Variants in ABCA6 observed in about 807,000 individuals in gnomAD.
ABCA6 encodes ATP-binding cassette sub-family A member 6.
In ABCA6, 164 loss-of-function variants were observed where a neutral mutation model predicts 191.2. The ratio of observed to expected loss-of-function variants is 0.86; its 90% CI spans 0.76 to 0.98. The LOEUF (loss-of-function observed/expected upper bound fraction) is 0.98, where lower values mean the gene tolerates loss of function less well. ABCA6 is among the 50% of genes least tolerant of loss of function. ABCA6 has a pLI of 0.00. For missense variants in ABCA6, 1,958 were observed against 1,894.1 expected, an observed-to-expected ratio of 1.03 and a Z score of -0.63; for synonymous variants, 636 against 647.7, an observed-to-expected ratio of 0.98 and a Z score of 0.27.
At chr17:69,084,971 T>C in intron 32 of ABCA6, 57 bp downstream of exon 32, 1 of 1,517,352 alleles carries the variant, frequency 6.6e-7, no homozygotes, top group Non-Finnish European at 8.8e-7. Context: ...GAATTCATCA[T>C]CAGTGCTACA....
intron 19 of ABCA6, 81 bp downstream of exon 19, chr17:69,105,947 G>A (rs377656115): frequency 5.6e-5 from 80 of 1,418,804 alleles, no homozygotes; most frequent in East Asian, 2.4e-4. Flanking sequence ...CAGATATTGC[G>A]TTCTAGTTTT....
At chr17:69,103,735 C>T (rs2073230795) in intron 20 of ABCA6, among the ~76,000 whole-genome samples, 3 of 151,964 alleles carry the variant, frequency 2.0e-5, no homozygotes, top group South Asian at 2.1e-4. Flanking sequence ...AAAGATGACC[C>T]GTCAGGCCCC....
intron 4 of ABCA6, 83 bp from the exon 5 acceptor site, chr17:69,134,825 A>G: frequency 1.0e-6 from 1 of 955,126 alleles, no homozygotes; most frequent in Non-Finnish European, 1.6e-6. Flanking sequence ...AAAGAAAACA[A>G]TCTAGAGGAG....
In ABCA6 at chr17:69,117,901, T is replaced by C. The variant is rs772469798; in HGVS notation, c.1492A>G (p.Lys498Glu). The C allele has an allele frequency of 3.8e-6, 6 of 1,567,600 alleles. No individual in the cohort carries two copies. Among genetic ancestry groups the C allele is most frequent in the Non-Finnish European group, 5.2e-6 (6 of 1,143,992 alleles). Reference sequence around the variant, plus strand: ...ATTTTTCAATGTTTTTCTTTACCTTTCAATGCTTCCACTTTTCCAGATTTT... The same window carrying C: ...ATTTTTCAATGTTTTTCTTTACCTTCCAATGCTTCCACTTTTCCAGATTTT... ...KGKSGKVEAL[K>E]GLLFDIYEGQ... The change falls in exon 11 of 39, where the codon AAA (lysine) becomes GAA (glutamate). Residue 498 changes from lysine (K) to glutamate (E), a missense_variant. Physicochemically the swap from Lys to Glu is moderately conservative, Grantham distance 56. Coordinates refer to ENST00000284425, the MANE Select transcript of ABCA6 (RefSeq NM_080284.3).
At chr17:69,098,774 A>C (rs950416812) in intron 22 of ABCA6, among the ~76,000 whole-genome samples, 4 of 152,180 alleles carry the variant, frequency 2.6e-5, no homozygotes, top group African/African-American at 9.7e-5. Context: ...ATTCATAGAA[A>C]CATAATAGGA....
At chr17:69,117,331 G>A (rs893189545) in intron 11 of ABCA6, among the ~76,000 whole-genome samples, 2 of 151,936 alleles carry the variant, frequency 1.3e-5, no homozygotes, top group African/African-American at 4.8e-5. Flanking sequence ...TTTAATAAAA[G>A]TAAATAGTCC....
chr17:69,082,643 T>C (rs956833910), intron 36 of ABCA6, among the ~76,000 whole-genome samples: 14 of 152,188 alleles, frequency 9.2e-5, no homozygotes, highest in Non-Finnish European at 2.1e-4. Context: ...CCTCTGGAGC[T>C]GGGGATCAGC....
In ABCA6 at chr17:69,113,639, AAT is replaced by A. The variant is rs1321544511; in HGVS notation, c.1879_1880del (p.Ile627TyrfsTer13). ...TTACTTGAGGATCTCCTAAAATGGTAATCCCAAAAGTCAGCTTTCTTTTCTGT... is the reference window on the plus strand; with the variant it reads ...TTACTTGAGGATCTCCTAAAATGGTACCCAAAAGTCAGCTTTCTTTTCTGT... ...EGQKRKLTFG[I>X]TILGDPQILL... On this transcript the variant is annotated frameshift_variant, in exon 14 of 39. Transcript: ENST00000284425. LOFTEE classifies it high-confidence loss of function. The A allele has an allele frequency of 6.2e-7, 1 of 1,613,038 alleles. No individual in the cohort carries two copies. Among genetic ancestry groups the A allele is most frequent in the Admixed American group, 1.7e-5 (1 of 59,888 alleles).
intron 10 of ABCA6, among the ~76,000 whole-genome samples, chr17:69,119,873 A>G (rs1228515191): frequency 6.6e-6 from 1 of 152,122 alleles, no homozygotes; most frequent in Non-Finnish European, 1.5e-5. Context: ...TTTCAATGTC[A>G]GAAAAGATAA....
At position 69,099,153 on chromosome 17, in the gene ABCA6, C is replaced by T. The variant is rs140929064; in HGVS notation, c.3013-1126G>A. On this transcript the variant is annotated intron_variant, in intron 22 of 38. Transcript: ENST00000284425. The stretch of plus-strand genomic sequence containing the variant: ...CAGGGAAAGGAACTTTAAATCACTA[C>T]CCCCAAATCAGCATCCACTTGAGGC... Among the ~76,000 whole-genome samples, 1,485 of 152,154 alleles carry T rather than the reference C, an allele frequency of 9.8e-3. 12 individuals carry two copies. The highest frequency in any genetic ancestry group is 0.041 in the Middle Eastern group (12 of 294).
At chr17:69,141,293 G>C (rs2144732963) in intron 1 of ABCA6, among the ~76,000 whole-genome samples, 1 of 152,086 alleles carries the variant, frequency 6.6e-6, no homozygotes, top group Non-Finnish European at 1.5e-5. Context: ...CAAACTACTT[G>C]AAACTTGATT....
chr17:69,106,656 A>G (rs2073313236), intron 18 of ABCA6, among the ~76,000 whole-genome samples: 2 of 151,090 alleles, frequency 1.3e-5, no homozygotes, highest in African/African-American at 4.9e-5. Flanking sequence ...CAAAGGAATT[A>G]TTTAGACAAT....
chr17:69,136,934 T>G (rs1307689700), intron 3 of ABCA6, among the ~76,000 whole-genome samples: 1 of 152,212 alleles, frequency 6.6e-6, no homozygotes, highest in Non-Finnish European at 1.5e-5. Flanking sequence ...TTTATTTATT[T>G]AGATGTTTTT....
intron 2 of ABCA6, among the ~76,000 whole-genome samples, chr17:69,139,859 A>G (rs1390481846): frequency 6.6e-6 from 1 of 150,596 alleles, no homozygotes; most frequent in Non-Finnish European, 1.5e-5. Flanking sequence ...AAAAAACCAA[A>G]CACCGCATGT....
intron 2 of ABCA6, 38 bp from the exon 3 acceptor site, chr17:69,137,538 T>C: frequency 6.4e-7 from 1 of 1,569,888 alleles, no homozygotes; most frequent in Non-Finnish European, 8.7e-7. Flanking sequence ...TGAATTAAGG[T>C]TGCATTCACT....
intron 10 of ABCA6, 42 bp from the exon 11 acceptor site, chr17:69,117,998 T>C: frequency 7.0e-7 from 1 of 1,427,214 alleles, no homozygotes; most frequent in Non-Finnish European, 9.7e-7. Flanking sequence ...AACACAGAAG[T>C]GAAAATAGCA....
chr17:69,125,397 AAG>A (rs1321185075), intron 8 of ABCA6, among the ~76,000 whole-genome samples: 2 of 152,000 alleles, frequency 1.3e-5, no homozygotes, highest in Admixed American at 6.6e-5. Context: ...ATTAGATAAA[AAG>A]AGAACTTACC....
At chr17:69,111,949 T>G in intron 16 of ABCA6, 2 of 423,634 alleles carry the variant, frequency 4.7e-6, no homozygotes, top group Non-Finnish European at 8.4e-6. Context: ...AAGTGGCACA[T>G]GAAGTAGTCT....
intron 31 of ABCA6, 22 bp from the exon 32 acceptor site, chr17:69,085,204 A>T: frequency 6.3e-7 from 1 of 1,590,340 alleles, no homozygotes; most frequent in Non-Finnish European, 8.6e-7. Flanking sequence ...AAAGAGCTTT[A>T]GAAAGGCATG....
Sources: gnomAD v4.1 joint callset for allele counts (sites outside exome capture counted in the v4.1 genomes callset) on GRCh38, gnomAD v4.1.1 for gene constraint, MANE v1.5 for transcripts, NCBI Gene and HGNC (gene_info 2026-07-23, HGNC 2026-07-21) for gene names.